The following DKK3 variants were observed in gnomAD, a reference collection of about 807,000 sequenced individuals.
DKK3 encodes dickkopf Wnt signaling pathway inhibitor 3.
In DKK3, 22 loss-of-function variants were observed where a neutral mutation model predicts 33.2. The observed-to-expected ratio is 0.66, with a 90% CI of 0.47 to 0.95. The LOEUF (loss-of-function observed/expected upper bound fraction) is 0.95, where lower values mean the gene tolerates loss of function less well. Ranked by LOEUF, DKK3 falls within the 40% of genes least tolerant of loss-of-function variation. The probability of loss-of-function intolerance (pLI) is 0.00; values close to 1 mark genes in which losing one functional copy is unlikely to be tolerated. For missense variants in DKK3, 398 were observed against 458.4 expected (o/e 0.87, Z 1.20); for synonymous variants, 194 against 188.8 (o/e 1.03, Z -0.23).
At chr11:11,998,568 C>T (rs3750939) in intron 3 of DKK3, 128 bp downstream of exon 3, 129,493 of 802,420 alleles carry the variant, frequency 0.16, 11,449 homozygotes, top group South Asian at 0.26. Context: ...TGAGGAATCT[C>T]GGTAGAAATG....
At chr11:11,973,531 G>A (rs1200837077) in intron 3 of DKK3, among the ~76,000 whole-genome samples, 1 of 152,142 alleles carries the variant, frequency 6.6e-6, no homozygotes, top group East Asian at 1.9e-4. Context: ...ACTCCTGTTT[G>A]CCCCCACTCC....
chr11:11,995,972 C>T (rs1309426018), intron 3 of DKK3, among the ~76,000 whole-genome samples: 4 of 152,190 alleles, frequency 2.6e-5, no homozygotes, highest in South Asian at 2.1e-4. Flanking sequence ...TTCTGTGAGC[C>T]TCCTTGGGTT....
intron 1 of DKK3, among the ~76,000 whole-genome samples, chr11:12,007,862 A>G (rs1330726222): frequency 6.6e-6 from 1 of 152,184 alleles, no homozygotes; most frequent in Non-Finnish European, 1.5e-5. Context: ...CTCTGCCCCC[A>G]CATTGCGTGA....
rs1446286271 is a variant in DKK3 at position 11,964,643 on chromosome 11, G to A, written c.874C>T (p.Arg292Cys). 3 of 1,614,082 alleles carry A rather than the reference G, an allele frequency of 1.9e-6. No homozygotes were observed. Among genetic ancestry groups the A allele is most frequent in the South Asian group, 1.1e-5 (1 of 91,076 alleles). ...YVCKPTFVGS[R>C]DQDGEILLPR... The stretch of plus-strand genomic sequence containing the variant: ...AGCAGGATCTCCCCATCTTGGTCAC[G>A]GCTCCCCACGAAGGTCGGCTTGCAC... The change falls in exon 7 of 7, where the codon CGT becomes TGT. Residue 292 changes from arginine (R) to cysteine (C), a missense_variant. Transcript: ENST00000683431.
At chr11:11,995,910 C>T (rs1429884765) in intron 3 of DKK3, among the ~76,000 whole-genome samples, 2 of 152,350 alleles carry the variant, frequency 1.3e-5, no homozygotes, top group Non-Finnish European at 2.9e-5. Flanking sequence ...CAGGGCCTTG[C>T]ACATACTGCG....
rs1009258370 is a variant in DKK3, at chr11:11,998,741, C to T, written c.390G>A (p.Glu130=). The T allele has an allele frequency of 1.9e-6, 3 of 1,614,068 alleles. No homozygotes were observed. The highest frequency in any genetic ancestry group is 2.5e-6 in the Non-Finnish European group (3 of 1,180,042). ...CGTCTCCCACAGATGTGATAACTGT[C>T]TCTGAAAAGACCATTTGTCCAGTCT... The part of the protein sequence containing the change: ...NNQTGQMVFS[E]TVITSVGDEE... The change falls in exon 3 of 7, where the codon GAG becomes GAA. Residue 130 remains glutamate, a synonymous_variant. Coordinates refer to ENST00000683431, the MANE Select transcript of DKK3 (RefSeq NM_001018057.2).
chr11:11,995,420 G>A (rs1848271392), intron 3 of DKK3, among the ~76,000 whole-genome samples: 1 of 152,106 alleles, frequency 6.6e-6, no homozygotes, highest in South Asian at 2.1e-4. Flanking sequence ...GGAGTTGCTT[G>A]TACATGATTG....
intron 3 of DKK3, among the ~76,000 whole-genome samples, chr11:11,985,249 G>A (rs775651355): frequency 6.6e-6 from 1 of 152,148 alleles, no homozygotes; most frequent in Non-Finnish European, 1.5e-5. Context: ...CAGCACCAAG[G>A]AGCCCGGCCA....
intron 3 of DKK3, among the ~76,000 whole-genome samples, chr11:11,975,724 G>A (rs771658936): frequency 4.6e-5 from 7 of 152,132 alleles, no homozygotes; most frequent in Non-Finnish European, 1.0e-4. Context: ...AACACTGGGA[G>A]AGTCCAGGCA....
intron 3 of DKK3, among the ~76,000 whole-genome samples, chr11:11,975,614 A>T (rs1330433385): frequency 6.6e-6 from 1 of 152,178 alleles, no homozygotes; most frequent in Non-Finnish European, 1.5e-5. Context: ...TCCTGAGCAG[A>T]GGTGGTCCTC....
At chr11:12,000,062 C>T (rs943783309) in intron 2 of DKK3, among the ~76,000 whole-genome samples, 4 of 152,110 alleles carry the variant, frequency 2.6e-5, no homozygotes, top group East Asian at 1.9e-4. Context: ...CTTATTAGAA[C>T]CTTTATTATA....
intron 3 of DKK3, among the ~76,000 whole-genome samples, chr11:11,997,981 C>T (rs1172259395): frequency 2.0e-5 from 3 of 152,182 alleles, no homozygotes; most frequent in Admixed American, 6.5e-5. Flanking sequence ...TCCCTACTGG[C>T]CACTCCTCAG....
chr11:12,001,934 G>A (rs1848437523), intron 2 of DKK3: 4 of 170,416 alleles, frequency 2.3e-5, no homozygotes, highest in Admixed American at 1.7e-4. Context: ...TCCCTACTGA[G>A]ACATACATAA....
At chr11:11,980,596 CT>C (rs1847934099) in intron 3 of DKK3, among the ~76,000 whole-genome samples, 1 of 152,146 alleles carries the variant, frequency 6.6e-6, no homozygotes, top group Non-Finnish European at 1.5e-5. Context: ...GTCAATCAAT[CT>C]TTAGGGAGCA....
At chr11:11,986,579 C>A (rs527450906) in intron 3 of DKK3, among the ~76,000 whole-genome samples, 1 of 152,232 alleles carries the variant, frequency 6.6e-6, no homozygotes, top group African/African-American at 2.4e-5. Flanking sequence ...GGCTCAATGA[C>A]TCTTGATGTT....
chr11:11,990,528 G>A (rs112493564), intron 3 of DKK3, among the ~76,000 whole-genome samples: 1,823 of 152,262 alleles, frequency 0.012, 38 homozygotes, highest in African/African-American at 0.041. Flanking sequence ...TTTCCTCTAG[G>A]GATTGCATGA....
intron 1 of DKK3, among the ~76,000 whole-genome samples, chr11:12,007,592 G>T (rs1244167093): frequency 6.6e-6 from 1 of 152,224 alleles, no homozygotes; most frequent in Non-Finnish European, 1.5e-5. Context: ...CTTTGCTAAG[G>T]TACGTGGTAT....
At chr11:12,001,005 A>G (rs1210325267) in intron 2 of DKK3, among the ~76,000 whole-genome samples, 1 of 152,194 alleles carries the variant, frequency 6.6e-6, no homozygotes, top group Non-Finnish European at 1.5e-5. Flanking sequence ...TGATATCCTT[A>G]TTTCATAAAT....
intron 5 of DKK3, among the ~76,000 whole-genome samples, chr11:11,966,373 G>C (rs1004545904): frequency 6.6e-6 from 1 of 152,186 alleles, no homozygotes; most frequent in Non-Finnish European, 1.5e-5. Context: ...AGTTGGAGCT[G>C]CATGAGGCCT....
Sources: allele counts gnomAD v4.1 joint callset (sites outside exome capture counted in the v4.1 genomes callset), GRCh38; gene constraint gnomAD v4.1.1; transcripts MANE v1.5; gene names NCBI Gene and HGNC (gene_info 2026-07-23, HGNC 2026-07-21).